Variants in ZNF675 observed in about 807,000 individuals in gnomAD.
ZNF675 encodes the protein zinc finger protein 675, also known as TRAF6 inhibitory zinc finger.
ZNF675 carries 36 observed loss-of-function variants against 56.1 expected under a neutral mutation model. That is an observed-to-expected ratio of 0.64 (90% CI 0.49 to 0.85). The LOEUF is 0.85. Among genes scored for constraint, ZNF675 ranks in the 40% least tolerant of loss-of-function variants. The probability of loss-of-function intolerance (pLI) is 0.00; values close to 1 mark genes in which losing one functional copy is unlikely to be tolerated. For missense variants in ZNF675, 663 were observed against 654.2 expected (o/e 1.01, Z -0.15); for synonymous variants, 200 against 218.9 (o/e 0.91, Z 0.76).
rs1442467572 is a variant in ZNF675 at position 23,663,098 on chromosome 19, C to A, written c.64G>T (p.Asp22Tyr). The change falls in exon 2 of 4, where the codon GAC becomes TAC. Residue 22 changes from aspartate to tyrosine, a missense_variant. Physicochemically the swap from Asp to Tyr is radical, Grantham distance 160. Around this residue, in one of 3 missense-constraint regions of ZNF675, gnomAD observed 33 missense variants for 31.8 expected, o/e 1.04. Transcript: ENST00000359788. The part of the protein sequence containing the change: ...EFSLEEWQCL[D>Y]TAQRNLYKNV... The stretch of plus-strand genomic sequence containing the variant: ...TTATATAAATTCCGCTGTGCAGTGT[C>A]CAGGCATTGCCATTCTTCCAGAGAG... 1.6e-5 allele frequency: 25 copies of A among 1,607,530 alleles called. No homozygotes were observed. Among genetic ancestry groups the A allele is most frequent in the Non-Finnish European group, 2.1e-5 (25 of 1,177,574 alleles).
At chr19:23,665,015 A>G (rs2144931943) in intron 1 of ZNF675, among the ~76,000 whole-genome samples, 1 of 152,066 alleles carries the variant, frequency 6.6e-6, no homozygotes. Context: ...GATAGGGCAC[A>G]AGTAGATATT....
At chr19:23,670,196 T>A (rs972799779) in intron 1 of ZNF675, among the ~76,000 whole-genome samples, 1 of 152,132 alleles carries the variant, frequency 6.6e-6, no homozygotes, top group Non-Finnish European at 1.5e-5. Context: ...CTTCCACCAT[T>A]AGAATCAATT....
chr19:23,679,729 G>C (rs1449484968), intron 1 of ZNF675, among the ~76,000 whole-genome samples: 2 of 151,362 alleles, frequency 1.3e-5, no homozygotes, highest in Non-Finnish European at 2.9e-5. Context: ...ACTTGCTCAT[G>C]CCTGTAATCC....
chr19:23,670,016 G>T (rs1314154433), intron 1 of ZNF675, among the ~76,000 whole-genome samples: 1 of 152,104 alleles, frequency 6.6e-6, no homozygotes, highest in Non-Finnish European at 1.5e-5. Context: ...TCTGGGCCAA[G>T]AAGTTTTCCA....
intron 1 of ZNF675, among the ~76,000 whole-genome samples, chr19:23,665,139 G>A (rs111679545): frequency 6.6e-6 from 1 of 151,830 alleles, no homozygotes; most frequent in African/African-American, 2.4e-5. Context: ...GAGGTCAGGA[G>A]TTCCTGACCA....
chr19:23,653,656 C>T lies in ZNF675; in HGVS notation c.1277G>A (p.Cys426Tyr). 6.2e-7 allele frequency: 1 copy of T among 1,613,754 alleles called. No homozygotes were observed. Among genetic ancestry groups the T allele is most frequent in the Non-Finnish European group, 8.5e-7 (1 of 1,179,962 alleles). ...RIHTGEKPYK[C>Y]EECGKAFNRS... is the part of the protein sequence containing the mutation. The stretch of plus-strand genomic sequence containing the variant: ...GTTAAAAGCTTTGCCACATTCTTCA[C>T]ATTTGTAGGGTTTCTCTCCAGTGTG... The change falls in exon 4 of 4, where the codon TGT (cysteine) becomes TAT (tyrosine). Residue 426 changes from cysteine (C) to tyrosine (Y), a missense_variant. This residue lies in a region of ZNF675 where 617 missense variants were observed against 590.5 expected (regional missense o/e 1.04). Coordinates refer to ENST00000359788, the MANE Select transcript of ZNF675 (RefSeq NM_138330.3).
intron 1 of ZNF675, among the ~76,000 whole-genome samples, chr19:23,674,303 TA>T (rs1270893589): frequency 6.6e-6 from 1 of 151,846 alleles, no homozygotes; most frequent in African/African-American, 2.4e-5. Flanking sequence ...CATTTATTTT[TA>T]AAAAGCAGAG....
chr19:23,665,656 C>T (rs1599415266), intron 1 of ZNF675, among the ~76,000 whole-genome samples: 1 of 152,112 alleles, frequency 6.6e-6, no homozygotes, highest in Admixed American at 6.5e-5. Flanking sequence ...CCACCACAAG[C>T]AGCTAATTTT....
Position 23,687,140 on chromosome 19 carries a change from T to C in ZNF675, c.-107A>G, listed in dbSNP as rs1968454923. 3 of 1,351,954 alleles carry C rather than the reference T, an allele frequency of 2.2e-6. No homozygotes were observed. The highest frequency in any genetic ancestry group is 1.9e-5 in the Admixed American group (1 of 52,250). The allele number at this position is 1,351,954 out of a possible 1,614,324, so 83.7% of individuals were successfully genotyped here. ...TCTAGGAGCAGAGGACACAGAGCAA[T>C]GAAAGCGAGACCTGGAGCTCCGGCT... On this transcript the variant is annotated 5_prime_UTR_variant, in exon 1 of 4. Coordinates refer to ENST00000359788, the MANE Select transcript of ZNF675 (RefSeq NM_138330.3).
In ZNF675 at chr19:23,674,983, AAAG is replaced by A. The variant is rs1273585899; in HGVS notation, c.4-11828_4-11826del. ...CAAGACTCCATCTCAAAAAAAAAAA[AAAG>A]AGAGAGAGAGAGCCTTTTATTTCTA... is the stretch of plus-strand genomic sequence containing the variant. On this transcript the variant is annotated intron_variant, in intron 1 of 3. Coordinates refer to ENST00000359788, the MANE Select transcript of ZNF675 (RefSeq NM_138330.3). Among the ~76,000 whole-genome samples the A allele has an allele frequency of 4.2e-3, 254 of 60,714 alleles. 9 individuals carry two copies. The highest frequency in any genetic ancestry group is 0.012 in the African/African-American group (212 of 18,414). The allele number at this position is 60,714 out of a possible 152,430, so 39.8% of individuals were successfully genotyped here.
At chr19:23,683,764 T>G (rs901899174) in intron 1 of ZNF675, among the ~76,000 whole-genome samples, 4 of 152,188 alleles carry the variant, frequency 2.6e-5, no homozygotes, top group Admixed American at 6.5e-5. Context: ...AACCTTGGAA[T>G]TCTGTTTGAA....
intron 1 of ZNF675, among the ~76,000 whole-genome samples, chr19:23,678,569 T>TAAAA (rs112040202): frequency 1.3e-4 from 19 of 142,710 alleles, no homozygotes; most frequent in East Asian, 1.2e-3. Flanking sequence ...ATTCTTAACT[T>TAAAA]AAAAAAAAAA....
intron 3 of ZNF675, chr19:23,656,303 T>A (rs565547481): frequency 6.6e-6 from 1 of 152,200 alleles, no homozygotes; most frequent in Admixed American, 6.5e-5. Context: ...TTCAACATAA[T>A]CTCTATAAAA....
At chr19:23,673,493 G>C (rs1428262078) in intron 1 of ZNF675, among the ~76,000 whole-genome samples, 1 of 152,212 alleles carries the variant, frequency 6.6e-6, no homozygotes, top group African/African-American at 2.4e-5. Context: ...CCAAATAGGA[G>C]AGACAATTCT....
At chr19:23,654,784 C>CAT in intron 3 of ZNF675, 78 bp from the exon 4 acceptor site, 7 of 1,223,116 alleles carry the variant, frequency 5.7e-6, no homozygotes, top group Non-Finnish European at 6.6e-6. Context: ...TAAAATTACA[C>CAT]AAACTACATA....
chr19:23,669,989 G>C (rs1352202887), intron 1 of ZNF675, among the ~76,000 whole-genome samples: 1 of 152,116 alleles, frequency 6.6e-6, no homozygotes, highest in African/African-American at 2.4e-5. Context: ...AAGAGGGGAT[G>C]TTCCCAGAGA....
chr19:23,658,862 A>AATAGATCTATAGATCTATAGAT (rs1555706343), intron 3 of ZNF675, among the ~76,000 whole-genome samples: 3,629 of 15,422 alleles, frequency 0.24, 247 homozygotes, highest in East Asian at 0.34. Flanking sequence ...TAGATATAGA[A>AATAGATCTATAGATCTATAGAT]ATAGATCTAT....
In ZNF675 at chr19:23,654,450, T is replaced by C. The variant is rs748152894; in HGVS notation, c.483A>G (p.Arg161=). The C allele has an allele frequency of 6.2e-7, 1 of 1,604,784 alleles. No individual in the cohort carries two copies. Among genetic ancestry groups the C allele is most frequent in the African/African-American group, 1.3e-5 (1 of 74,468 alleles). ...TATTTTCCATATGTTTTATCTTATG[T>C]CTATCTGAATGTGAAAATTTATTAA... is the stretch of plus-strand genomic sequence containing the variant. ...KVFNKFSHSD[R]HKIKHMENKP... is the part of the protein sequence containing the mutation. Residue 161 remains arginine, a synonymous_variant, in exon 4 of 4, where the codon AGA becomes AGG. Transcript: ENST00000359788.
At chr19:23,664,566 T>A (rs1165142649) in intron 1 of ZNF675, among the ~76,000 whole-genome samples, 6 of 152,200 alleles carry the variant, frequency 3.9e-5, no homozygotes, top group Admixed American at 6.5e-5. Context: ...CTTTGACCAT[T>A]CTTTAGAGCA....
Sources: allele counts gnomAD v4.1 joint callset (sites outside exome capture counted in the v4.1 genomes callset), GRCh38; gene constraint gnomAD v4.1.1; regional missense constraint gnomAD v4.1.1; transcripts MANE v1.5; gene names NCBI Gene and HGNC (gene_info 2026-07-23, HGNC 2026-07-21).